The following IL1RN variants were observed in gnomAD, a reference collection of about 807,000 sequenced individuals.
IL1RN encodes interleukin-1 receptor antagonist protein.
IL1RN carries 10 observed loss-of-function variants against 13.7 expected under a neutral mutation model. The ratio of observed to expected loss-of-function variants is 0.73; its 90% confidence interval spans 0.45 to 1.24. IL1RN has a LOEUF of 1.24. IL1RN is among the 50% of genes most tolerant of loss of function. IL1RN has a pLI of 0.00. For synonymous variants in IL1RN, 102 were observed against 82.7 expected (o/e 1.23, Z -1.27); for missense variants, 213 against 222.1 (o/e 0.96, Z 0.26).
intron 2 of IL1RN, among the ~76,000 whole-genome samples, chr2:113,122,004 G>T (rs746641343): frequency 8.5e-5 from 13 of 152,196 alleles, no homozygotes; most frequent in African/African-American, 1.7e-4. Context: ...AGTCTTTGTA[G>T]CATTATCTTA....
upstream of IL1RN, among the ~76,000 whole-genome samples, chr2:113,114,345 G>A (rs962265008): frequency 8.6e-5 from 13 of 152,012 alleles, no homozygotes; most frequent in African/African-American, 1.9e-4. Flanking sequence ...CAAATGCCTC[G>A]CCCCTGTGAA....
At chr2:113,123,422 C>G (rs1156501087), upstream of IL1RN, among the ~76,000 whole-genome samples, 1 of 152,124 alleles carries the variant, frequency 6.6e-6, no homozygotes, top group East Asian at 1.9e-4. Flanking sequence ...TACCTTAAAT[C>G]CTGCCTACAG....
At position 113,131,133 on chromosome 2, in the gene IL1RN, T is replaced by A; in HGVS notation, c.294T>A (p.Gly98=). ...TGTGCCTGTCCTGTGTCAAGTCTGG[T>A]GATGAGACCAGACTCCAGCTGGAGG... The part of the protein sequence containing the change: ...GKMCLSCVKS[G]DETRLQLEAV... Residue 98 remains glycine, a synonymous_variant, in exon 3 of 4, where the codon GGT becomes GGA. Coordinates refer to ENST00000409930, the MANE Select transcript of IL1RN (RefSeq NM_173842.3). The A allele has an allele frequency of 6.2e-7, 1 of 1,610,782 alleles. No homozygotes were observed. The highest frequency in any genetic ancestry group is 8.5e-7 in the Non-Finnish European group (1 of 1,176,976).
chr2:113,129,345 G>A (rs1198969144), intron 1 of IL1RN, among the ~76,000 whole-genome samples: 1 of 152,180 alleles, frequency 6.6e-6, no homozygotes, highest in East Asian at 1.9e-4. Flanking sequence ...CAAGTAAGGA[G>A]GGGAGTCAAA....
At chr2:113,112,731 C>T (rs778068433) in intron 1 of IL1RN, among the ~76,000 whole-genome samples, 4 of 152,220 alleles carry the variant, frequency 2.6e-5, no homozygotes, top group Admixed American at 6.5e-5. Flanking sequence ...CCCTGTGCCT[C>T]TTTCATCGTT....
upstream of IL1RN, among the ~76,000 whole-genome samples, chr2:113,114,413 T>A (rs980196641): frequency 4.4e-3 from 11 of 2,482 alleles, no homozygotes; most frequent in African/African-American, 0.026. Context: ...CTGCCCACCG[T>A]TAAGTCCAGT....
At chr2:113,127,551 G>A (rs1573301275), upstream of IL1RN, 3 of 1,572,536 alleles carry the variant, frequency 1.9e-6, no homozygotes, top group Admixed American at 1.8e-5. Flanking sequence ...CCTAGCTTGG[G>A]TGAGTGACTA....
exon 2 of IL1RN, chr2:113,120,087 G>A: frequency 2.5e-6 from 4 of 1,613,422 alleles, no homozygotes; most frequent in African/African-American, 2.7e-5. Flanking sequence ...GAAGAAGGAG[G>A]TGGAGGAGGA....
chr2:113,129,646 C>A lies in IL1RN; in HGVS notation c.187C>A (p.Pro63Thr), dbSNP rs746404239. The A allele has an allele frequency of 1.9e-6, 3 of 1,610,776 alleles. No homozygotes were observed. Among genetic ancestry groups the A allele is most frequent in the Non-Finnish European group, 2.5e-6 (3 of 1,176,948 alleles). The change falls in exon 2 of 4, where the codon CCA (proline) becomes ACA (threonine). Residue 63 changes from proline to threonine, a missense_variant. Pro to Thr is a conservative substitution (Grantham distance 38). Transcript: ENST00000409930. ...NQLVAGYLQG[P>T]NVNLEEKIDV... ...ACTAGTTGCTGGATACTTGCAAGGA[C>A]CAAATGTCAATTTAGAAGGTGAGTG...
chr2:113,118,077 A>G (rs1209498379), intron 1 of IL1RN: 1 of 1,613,406 alleles, frequency 6.2e-7, no homozygotes, highest in South Asian at 1.1e-5. Flanking sequence ...GAGAGAGGAA[A>G]ATGTCTACAA....
rs1687080582 is a variant in IL1RN at position 113,129,449 on chromosome 2, T to C, written c.117-127T>C. The stretch of plus-strand genomic sequence containing the variant: ...TCATCCATGCATGCCGTGGGTATAC[T>C]AAAATACTATACCCCTGGAAGAGCT... On this transcript the variant is annotated intron_variant, in intron 1 of 3. Transcript: ENST00000409930. The C allele has an allele frequency of 5.3e-6, 4 of 755,406 alleles. No individual in the cohort carries two copies. The Admixed American group carries it at 6.9e-5, about 13-fold the overall frequency. The allele number at this position is 755,406 out of a possible 1,614,324, so 46.8% of individuals were successfully genotyped here.
In IL1RN at chr2:113,132,671, G is replaced by T; in HGVS notation, c.334G>T (p.Asp112Tyr). Residue 112 changes from aspartate to tyrosine, a missense_variant, in exon 4 of 4, where the codon GAC becomes TAC. Transcript: ENST00000409930. ...TGATTTCCAGGCAGTTAACATCACT[G>T]ACCTGAGCGAGAACAGAAAGCAGGA... The part of the protein sequence containing the change: ...RLQLEAVNIT[D>Y]LSENRKQDKR... 6.2e-7 allele frequency: 1 copy of T among 1,614,122 alleles called. No individual in the cohort carries two copies. Among genetic ancestry groups the T allele is most frequent in the South Asian group, 1.1e-5 (1 of 91,064 alleles).
intron 1 of IL1RN, among the ~76,000 whole-genome samples, chr2:113,128,734 C>T (rs1195551467): frequency 6.6e-6 from 1 of 152,194 alleles, no homozygotes; most frequent in Non-Finnish European, 1.5e-5. Context: ...TCAGAGCCAC[C>T]TGATGAGGTG....
intron 1 of IL1RN, chr2:113,118,162 C>A (rs759967514): frequency 2.1e-6 from 3 of 1,410,598 alleles, no homozygotes; most frequent in Non-Finnish European, 3.0e-6. Flanking sequence ...GAGCTCCAGG[C>A]CTGTCTGGGG....
At chr2:113,120,012 C>G (rs1368538774) in intron 1 of IL1RN, 3 of 1,399,322 alleles carry the variant, frequency 2.1e-6, no homozygotes, top group Middle Eastern at 1.8e-4. Context: ...TCATTCATTT[C>G]TCTGGACCTC....
upstream of IL1RN, among the ~76,000 whole-genome samples, chr2:113,108,976 A>G (rs1235569000): frequency 6.6e-6 from 1 of 152,206 alleles, no homozygotes; most frequent in Admixed American, 6.5e-5. Flanking sequence ...CAAAAATTTA[A>G]TAGTAACCAC....
upstream of IL1RN, among the ~76,000 whole-genome samples, chr2:113,114,480 T>C (rs1428767775): frequency 6.6e-6 from 1 of 152,124 alleles, no homozygotes; most frequent in African/African-American, 2.4e-5. Flanking sequence ...GTCTGTGAGT[T>C]GTGGTGGTGG....
intron 1 of IL1RN, among the ~76,000 whole-genome samples, chr2:113,118,281 T>C (rs1369762369): frequency 1.3e-5 from 2 of 152,218 alleles, no homozygotes; most frequent in African/African-American, 4.8e-5. Flanking sequence ...GTGTAACTGC[T>C]GTGACAGAAG....
upstream of IL1RN, among the ~76,000 whole-genome samples, chr2:113,110,148 T>C (rs1250239481): frequency 1.3e-5 from 2 of 152,346 alleles, 1 homozygote; most frequent in Middle Eastern, 6.8e-3. Context: ...TCTGACTCCA[T>C]GTCATTCACT....
Sources: allele counts gnomAD v4.1 joint callset (sites outside exome capture counted in the v4.1 genomes callset), GRCh38; gene constraint gnomAD v4.1.1; transcripts MANE v1.5; gene names NCBI Gene and HGNC (gene_info 2026-07-23, HGNC 2026-07-21).